Variants in KIF27 observed in about 807,000 individuals in gnomAD.
KIF27 encodes kinesin family member 27.
In KIF27, 84 loss-of-function variants were observed where a neutral mutation model predicts 141.8. The ratio of observed to expected loss-of-function variants is 0.59; its 90% confidence interval spans 0.50 to 0.71. The LOEUF is 0.71. Among genes scored for constraint, KIF27 ranks in the 30% least tolerant of loss-of-function variants. KIF27 has a pLI of 0.00. For missense variants in KIF27, 1,306 were observed against 1,628.4 expected (o/e 0.80, Z 3.41); for synonymous variants, 471 against 569.5 (o/e 0.83, Z 2.46).
At chr9:83,873,367 C>T (rs933135335) in intron 11 of KIF27, among the ~76,000 whole-genome samples, 5 of 152,104 alleles carry the variant, frequency 3.3e-5, no homozygotes, top group Non-Finnish European at 5.9e-5. Flanking sequence ...GAAGAGGAGG[C>T]TAAGAGACTG....
At chr9:83,871,033 C>A (rs1950745574) in intron 11 of KIF27, among the ~76,000 whole-genome samples, 1 of 152,108 alleles carries the variant, frequency 6.6e-6, no homozygotes, top group Non-Finnish European at 1.5e-5. Flanking sequence ...ACCTCAGCCT[C>A]CCAAGTAGCT....
At position 83,887,100 on chromosome 9, in the gene KIF27, CT is replaced by C; in HGVS notation, c.2179del (p.Arg727GlufsTer9). ...RILTEAKQKM[R>X]ELTINIKMKE... Reference sequence around the variant, plus strand: ...CATCTTGATGTTAATTGTAAGTTCTCTCATTTTTTGTTTAGCTTCAGTAAGT... The same window carrying C: ...CATCTTGATGTTAATTGTAAGTTCTCCATTTTTTGTTTAGCTTCAGTAAGT... On this transcript the variant is annotated frameshift_variant, in exon 9 of 18. Transcript: ENST00000297814. LOFTEE classifies it high-confidence loss of function. The C allele has an allele frequency of 6.2e-7, 1 of 1,600,674 alleles. No homozygotes were observed. Among genetic ancestry groups the C allele is most frequent in the Non-Finnish European group, 8.5e-7 (1 of 1,176,040 alleles).
At chr9:83,854,902 G>A (rs1292761512) in intron 14 of KIF27, among the ~76,000 whole-genome samples, 1 of 152,180 alleles carries the variant, frequency 6.6e-6, no homozygotes, top group African/African-American at 2.4e-5. Context: ...CTATCACATA[G>A]TTTGAACTCA....
rs1948414924 is a variant in KIF27 at position 83,850,446 on chromosome 9, T to G, written c.3358-149A>C. ...GTATTGGGTCCTTAGGCAAATGCTT[T>G]GTAACATATTCACAAAACAACCTAA... is the stretch of plus-strand genomic sequence containing the variant. On this transcript the variant is annotated intron_variant, in intron 15 of 17. Transcript: ENST00000297814. The G allele has an allele frequency of 8.3e-5, 53 of 636,914 alleles. 1 individual carries two copies. In the South Asian group the frequency reaches 1.1e-3, roughly 13 times the overall value. 39.5% of individuals were successfully genotyped at this position (636,914 alleles called of 1,614,324 possible). A position where few individuals can be genotyped will look rare whatever the true frequency, so the allele number is the denominator to read the frequency against.
intron 5 of KIF27, among the ~76,000 whole-genome samples, chr9:83,893,723 C>A (rs1952903736): frequency 6.6e-6 from 1 of 151,568 alleles, no homozygotes; most frequent in African/African-American, 2.4e-5. Flanking sequence ...GAGGTTACCC[C>A]AAAAGTAGAA....
chr9:83,848,295 G>T (rs143020014), intron 16 of KIF27, among the ~76,000 whole-genome samples: 5,049 of 61,068 alleles, frequency 0.083, 874 homozygotes, highest in East Asian at 0.14. Context: ...TGATATATCA[G>T]ATATGATATA....
At chr9:83,854,167 C>T (rs1388334142) in intron 14 of KIF27, among the ~76,000 whole-genome samples, 3 of 152,170 alleles carry the variant, frequency 2.0e-5, no homozygotes, top group Admixed American at 6.5e-5. Flanking sequence ...ATCTAATCCA[C>T]GGAATATACT....
At chr9:83,900,106 T>C (rs143019401) in intron 4 of KIF27, among the ~76,000 whole-genome samples, 28,442 of 151,768 alleles carry the variant, frequency 0.19, 2,133 homozygotes, top group African/African-American at 0.33. Context: ...ACAAGTTTGC[T>C]AGAACTGCTA....
rs1587831988 is a variant in KIF27, at chr9:83,836,877, G to C, written c.*124C>G. 5 of 1,439,260 alleles carry C rather than the reference G, an allele frequency of 3.5e-6. No individual in the cohort carries two copies. Among genetic ancestry groups the C allele is most frequent in the Non-Finnish European group, 4.6e-6 (5 of 1,078,242 alleles). The allele number at this position is 1,439,260 out of a possible 1,614,324, so 89.2% of individuals were successfully genotyped here. A position where few individuals can be genotyped will look rare whatever the true frequency, so the allele number is the denominator to read the frequency against. ...CATCTATAGCATATAAAAGAATTAG[G>C]GATTCCTTCCTCCCCTTCTTCCTTT... On this transcript the variant is annotated 3_prime_UTR_variant, in exon 18 of 18. Transcript: ENST00000297814.
At chr9:83,879,933 A>G (rs530179078) in intron 11 of KIF27, among the ~76,000 whole-genome samples, 39 of 152,336 alleles carry the variant, frequency 2.6e-4, no homozygotes, top group African/African-American at 9.4e-4. Context: ...GTGTAGCCAC[A>G]TGGACAACGC....
intron 16 of KIF27, among the ~76,000 whole-genome samples, chr9:83,848,290 TATCAG>T (rs1243249300): frequency 4.3e-5 from 5 of 115,994 alleles, no homozygotes; most frequent in Admixed American, 9.1e-5. Context: ...ATATATGATA[TATCAG>T]ATATGATATA....
intron 11 of KIF27, among the ~76,000 whole-genome samples, chr9:83,878,221 A>G (rs77558638): frequency 5.3e-5 from 8 of 151,430 alleles, no homozygotes; most frequent in South Asian, 4.2e-4. Flanking sequence ...ATACCTACTC[A>G]GATGACTATA....
At chr9:83,916,534 T>C (rs908105378) in intron 1 of KIF27, among the ~76,000 whole-genome samples, 5 of 152,216 alleles carry the variant, frequency 3.3e-5, no homozygotes, top group African/African-American at 9.6e-5. Context: ...TACTTCTAAA[T>C]ATTATGTTGT....
chr9:83,866,630 C>A (rs1199081589), intron 13 of KIF27, among the ~76,000 whole-genome samples: 1 of 152,106 alleles, frequency 6.6e-6, no homozygotes, highest in Non-Finnish European at 1.5e-5. Flanking sequence ...GTAATTCCAG[C>A]ACTTTGGGAG....
chr9:83,875,452 G>C (rs576578388), intron 11 of KIF27, among the ~76,000 whole-genome samples: 7 of 152,278 alleles, frequency 4.6e-5, no homozygotes, highest in Non-Finnish European at 1.0e-4. Flanking sequence ...ACAACCTAGG[G>C]AAGAGGTTGG....
At chr9:83,845,688 C>G (rs1418413856) in intron 16 of KIF27, among the ~76,000 whole-genome samples, 1 of 152,222 alleles carries the variant, frequency 6.6e-6, no homozygotes, top group Non-Finnish European at 1.5e-5. Context: ...GAACTTTGAA[C>G]AGTGCACCTG....
intron 16 of KIF27, among the ~76,000 whole-genome samples, chr9:83,846,212 T>C (rs934482842): frequency 3.9e-5 from 6 of 152,166 alleles, no homozygotes; most frequent in African/African-American, 1.4e-4. Context: ...AGGTTGATTA[T>C]ATTGGACCTC....
At chr9:83,904,086 A>G in intron 3 of KIF27, 68 bp from the exon 4 acceptor site, 2 of 1,271,622 alleles carry the variant, frequency 1.6e-6, no homozygotes, top group Non-Finnish European at 2.2e-6. Context: ...AACAGTTACC[A>G]TTTGCTAAAC....
At chr9:83,896,049 CT>C (rs1299424754) in intron 5 of KIF27, among the ~76,000 whole-genome samples, 1 of 83,448 alleles carries the variant, frequency 1.2e-5, no homozygotes, top group South Asian at 5.1e-4. Context: ...GAGACTCTGT[CT>C]CAAAAAAAAA....
Sources: gnomAD v4.1 joint callset for allele counts (sites outside exome capture counted in the v4.1 genomes callset) on GRCh38, gnomAD v4.1.1 for gene constraint, MANE v1.5 for transcripts, NCBI Gene and HGNC (gene_info 2026-07-23, HGNC 2026-07-21) for gene names.